LPP: variants seen among roughly 807,000 people sequenced by gnomAD.
The protein encoded by LPP is lipoma-preferred partner.
A neutral mutation model predicts 60.4 loss-of-function variants in LPP; 38 were observed. The ratio of observed to expected loss-of-function variants is 0.63; its 90% CI spans 0.49 to 0.83. The LOEUF (loss-of-function observed/expected upper bound fraction) is 0.83, where lower values mean the gene tolerates loss of function less well. Ranked by LOEUF, LPP falls within the 40% of genes least tolerant of loss-of-function variation. The probability of loss-of-function intolerance (pLI) is 0.00; values close to 1 mark genes in which losing one functional copy is unlikely to be tolerated. For missense variants in LPP, 902 were observed against 783.6 expected, an observed-to-expected ratio of 1.15 and a Z score of -1.80; for synonymous variants, 328 against 290.8, an observed-to-expected ratio of 1.13 and a Z score of -1.30.
In LPP at chr3:188,490,575, T is replaced by C. The variant is rs541172593; in HGVS notation, c.306+5871T>C. ...GATGGGGTTTCGCCACACAGGCCAG[T>C]CTGGTCTTGAACTCCTGACTTCGGG... On this transcript the variant is annotated intron_variant, in intron 5 of 11. Coordinates refer to ENST00000617246, the MANE Select transcript of LPP (RefSeq NM_001375462.1). 2.6e-5 allele frequency among the ~76,000 whole-genome samples: 4 copies of C among 151,608 alleles called. No individual in the cohort carries two copies. In the East Asian group the frequency reaches 5.8e-4, roughly 22 times the overall value.
intron 2 of LPP, among the ~76,000 whole-genome samples, chr3:188,288,595 T>TAC (rs55798414): frequency 3.3e-5 from 5 of 151,508 alleles, no homozygotes; most frequent in African/African-American, 1.2e-4. Flanking sequence ...CACACACACA[T>TAC]ACACACAGAT....
intron 3 of LPP, among the ~76,000 whole-genome samples, chr3:188,398,785 G>T (rs1578606484): frequency 2.0e-5 from 3 of 152,198 alleles, no homozygotes; most frequent in Non-Finnish European, 2.9e-5. Context: ...TTTGGAAAAG[G>T]TTTGCCTAAA....
At chr3:188,421,929 C>A (rs9811231) in intron 4 of LPP, among the ~76,000 whole-genome samples, 5 of 152,152 alleles carry the variant, frequency 3.3e-5, no homozygotes, top group Non-Finnish European at 7.3e-5. Flanking sequence ...AGTACCCCAC[C>A]CGTATTTCTT....
chr3:188,431,588 G>T (rs1295208452), intron 4 of LPP, among the ~76,000 whole-genome samples: 1 of 152,120 alleles, frequency 6.6e-6, no homozygotes, highest in Non-Finnish European at 1.5e-5. Context: ...CTGAAAAGTA[G>T]GTGGCAGTCA....
At chr3:188,813,505 T>A (rs1360328394) in intron 9 of LPP, among the ~76,000 whole-genome samples, 1 of 152,218 alleles carries the variant, frequency 6.6e-6, no homozygotes, top group Non-Finnish European at 1.5e-5. Context: ...CCAGGTAGTA[T>A]CTCCAGAATA....
rs186374610 is a variant in LPP at position 188,813,233 on chromosome 3, G to C, written c.1410+52951G>C. Among the ~76,000 whole-genome samples the C allele has an allele frequency of 1.8e-3, 277 of 152,296 alleles. 2 individuals are homozygous for C. Among genetic ancestry groups the C allele is most frequent in the Middle Eastern group, 6.8e-3 (2 of 294 alleles). On this transcript the variant is annotated intron_variant, in intron 9 of 11. Transcript: ENST00000617246. The stretch of plus-strand genomic sequence containing the variant: ...GAATGAACCTACTGGACTCCAGTGA[G>C]ATTAGCAAATACCTTAGCTATTTCA...
At chr3:188,181,662 A>G (rs146836621) in intron 1 of LPP, among the ~76,000 whole-genome samples, 1 of 152,236 alleles carries the variant, frequency 6.6e-6, no homozygotes, top group African/African-American at 2.4e-5. Context: ...AAGTGGAGCA[A>G]TTCTGTACAT....
intron 3 of LPP, among the ~76,000 whole-genome samples, chr3:188,401,246 T>C (rs574266668): frequency 6.6e-6 from 1 of 152,322 alleles, no homozygotes; most frequent in African/African-American, 2.4e-5. Context: ...TAGCTTCTTA[T>C]CTTTATATAA....
At chr3:188,763,033 C>T (rs1732921664) in intron 9 of LPP, among the ~76,000 whole-genome samples, 2 of 152,034 alleles carry the variant, frequency 1.3e-5, no homozygotes. Flanking sequence ...GGAAATTGGG[C>T]AAATGAAATA....
At chr3:188,830,109 T>C (rs538863915) in intron 9 of LPP, among the ~76,000 whole-genome samples, 1 of 151,862 alleles carries the variant, frequency 6.6e-6, no homozygotes, top group Non-Finnish European at 1.5e-5. Flanking sequence ...TGTGAAAATA[T>C]AATGGCTGAT....
chr3:188,461,083 A>T (rs972983700), intron 4 of LPP, among the ~76,000 whole-genome samples: 11 of 152,166 alleles, frequency 7.2e-5, no homozygotes, highest in African/African-American at 2.4e-4. Context: ...CAGAACTTAA[A>T]CAGAGGCAAA....
chr3:188,199,360 C>G lies in LPP; in HGVS notation c.-189-26045C>G, dbSNP rs237660. ...TAGACTTTACATCTTGGTGGGGTGG[C>G]CAAGTTCTGGAAGAGCATGTGGGAC... On this transcript the variant is annotated intron_variant, in intron 1 of 11. Coordinates refer to ENST00000617246, the MANE Select transcript of LPP (RefSeq NM_001375462.1). Among the ~76,000 whole-genome samples, 1,235 of 152,072 alleles carry G rather than the reference C, an allele frequency of 8.1e-3. 14 individuals are homozygous for G. Among genetic ancestry groups the G allele is most frequent in the African/African-American group, 0.028 (1,171 of 41,468 alleles).
intron 6 of LPP, among the ~76,000 whole-genome samples, chr3:188,583,780 TCTTTC>T (rs1283927354): frequency 6.6e-6 from 1 of 152,208 alleles, no homozygotes; most frequent in African/African-American, 2.4e-5. Flanking sequence ...AGTGATCCCA[TCTTTC>T]CTTCTGTATC....
At chr3:188,868,327 A>G (rs548121989) in intron 10 of LPP, among the ~76,000 whole-genome samples, 14 of 152,314 alleles carry the variant, frequency 9.2e-5, no homozygotes, top group African/African-American at 3.4e-4. Flanking sequence ...GCCAATTTAT[A>G]TCTATGCCAT....
chr3:188,750,421 A>G (rs1270578109), intron 8 of LPP, among the ~76,000 whole-genome samples: 1 of 152,166 alleles, frequency 6.6e-6, no homozygotes, highest in African/African-American at 2.4e-5. Flanking sequence ...ACCTGATGTC[A>G]GGAGTTTGAG....
intron 4 of LPP, among the ~76,000 whole-genome samples, chr3:188,470,201 G>A (rs975617607): frequency 6.6e-6 from 1 of 151,530 alleles, no homozygotes; most frequent in African/African-American, 2.4e-5. Context: ...AGTGATTGCC[G>A]AGATCATCCC....
chr3:188,478,624 G>C (rs1287676600), intron 4 of LPP, among the ~76,000 whole-genome samples: 3 of 152,106 alleles, frequency 2.0e-5, no homozygotes, highest in Non-Finnish European at 2.9e-5. Context: ...TGGGACTATA[G>C]AATTGCCTTG....
chr3:188,306,083 T>G (rs1478557253), intron 2 of LPP, among the ~76,000 whole-genome samples: 1 of 152,138 alleles, frequency 6.6e-6, no homozygotes, highest in Non-Finnish European at 1.5e-5. Context: ...TCTTTTTCTT[T>G]TCTTTTATTT....
chr3:188,486,043 A>G lies in LPP; in HGVS notation c.306+1339A>G, dbSNP rs564402438. Among the ~76,000 whole-genome samples, 3 of 152,044 alleles carry G rather than the reference A, an allele frequency of 2.0e-5. No individual in the cohort carries two copies. In the East Asian group the frequency reaches 5.8e-4, roughly 29 times the overall value. On this transcript the variant is annotated intron_variant, in intron 5 of 11. Transcript: ENST00000617246. ...ATTTGTTTTACAGTATTATTTTTTC[A>G]TTTTAATTTTTGTAGCTACAAGTAG...
Sources: allele counts gnomAD v4.1 joint callset (sites outside exome capture counted in the v4.1 genomes callset), GRCh38; gene constraint gnomAD v4.1.1; transcripts MANE v1.5; gene names NCBI Gene and HGNC (gene_info 2026-07-23, HGNC 2026-07-21).